EGLN1: variants seen among roughly 807,000 people sequenced by gnomAD.
EGLN1 encodes the protein egl-9 family hypoxia inducible factor 1.
Under a neutral mutation model 38.3 loss-of-function variants are expected in EGLN1, and 17 were observed. The ratio of observed to expected loss-of-function variants is 0.44; its 90% CI spans 0.30 to 0.67. The LOEUF is 0.67. Ranked by LOEUF, EGLN1 falls within the 30% of genes least tolerant of loss-of-function variation. The pLI is 0.08. For synonymous variants in EGLN1, 283 were observed against 257.5 expected, an observed-to-expected ratio of 1.10 and a Z score of -0.95; for missense variants, 477 against 603.3, an observed-to-expected ratio of 0.79 and a Z score of 2.19.
chr1:231,391,133 T>TGTGAGA (rs1255328703), intron 1 of EGLN1, among the ~76,000 whole-genome samples: 1 of 56,738 alleles, frequency 1.8e-5, no homozygotes, highest in African/African-American at 4.3e-5. Flanking sequence ...TGTGTGTGTG[T>TGTGAGA]GAGACAGGGA....
chr1:231,375,355 G>A (rs954725453), intron 1 of EGLN1, among the ~76,000 whole-genome samples: 27 of 151,748 alleles, frequency 1.8e-4, no homozygotes, highest in African/African-American at 6.1e-4. Flanking sequence ...CACGCCACCC[G>A]GTTTGTTATG....
chr1:231,391,090 T>TGTG (rs1553353081), intron 1 of EGLN1, among the ~76,000 whole-genome samples: 665 of 53,098 alleles, frequency 0.013, 118 homozygotes, highest in South Asian at 0.065. Context: ...TCTGTTTTTT[T>TGTG]TTTGTGTGTG....
chr1:231,392,249 T>C (rs2102916960), intron 1 of EGLN1, among the ~76,000 whole-genome samples: 1 of 152,074 alleles, frequency 6.6e-6, no homozygotes, highest in Middle Eastern at 3.4e-3. Flanking sequence ...ATCGCGCCAC[T>C]GCACTCCAGC....
At chr1:231,372,188 T>A (rs1384795024) in intron 2 of EGLN1, among the ~76,000 whole-genome samples, 1 of 152,240 alleles carries the variant, frequency 6.6e-6, no homozygotes, top group East Asian at 1.9e-4. Flanking sequence ...TCCATAGCAA[T>A]CTGTCTTGAC....
rs553294852 is a variant in EGLN1 at position 231,387,655 on chromosome 1, G to A, written c.892-13556C>T. Among the ~76,000 whole-genome samples, 50 of 152,202 alleles carry A rather than the reference G, an allele frequency of 3.3e-4. No individual in the cohort carries two copies. The South Asian group carries it at 4.6e-3, about 14-fold the overall frequency. ...ATTATAGGCGTGAGCCACCACACCC[G>A]GCCGCAACTTATTTTTAAGGATGTT... is the stretch of plus-strand genomic sequence containing the variant. On this transcript the variant is annotated intron_variant, in intron 1 of 4. Coordinates refer to ENST00000366641, the MANE Select transcript of EGLN1 (RefSeq NM_022051.3).
intron 1 of EGLN1, among the ~76,000 whole-genome samples, chr1:231,408,059 T>C (rs931172828): frequency 2.0e-5 from 3 of 152,190 alleles, no homozygotes; most frequent in Admixed American, 6.5e-5. Flanking sequence ...AAAAGTCCTC[T>C]GCCGAAGACA....
rs1293264209 is a variant in EGLN1, at chr1:231,422,211, G to T, written c.-323C>A. On this transcript the variant is annotated 5_prime_UTR_variant, in exon 1 of 5. Transcript: ENST00000366641. The stretch of plus-strand genomic sequence containing the variant: ...CGCAAGACCGGCCCCCTCGGCCGCC[G>T]CCGCCGCCTCAGCGTCCCGGGCGGC... 1 of 192,830 alleles carries T rather than the reference G, an allele frequency of 5.2e-6. No homozygotes were observed. Among genetic ancestry groups the T allele is most frequent in the African/African-American group, 2.3e-5 (1 of 42,636 alleles). 11.9% of individuals were successfully genotyped at this position (192,830 alleles called of 1,614,324 possible). A position where few individuals can be genotyped will look rare whatever the true frequency, so the allele number is the denominator to read the frequency against.
intron 2 of EGLN1, among the ~76,000 whole-genome samples, chr1:231,371,575 G>A (rs1413938795): frequency 6.6e-6 from 1 of 152,126 alleles, no homozygotes; most frequent in Non-Finnish European, 1.5e-5. Flanking sequence ...TGGGCCTGAT[G>A]CACAGATGAC....
intron 1 of EGLN1, among the ~76,000 whole-genome samples, chr1:231,388,257 A>T (rs1688271576): frequency 7.1e-6 from 1 of 140,202 alleles, no homozygotes; most frequent in Non-Finnish European, 1.6e-5. Flanking sequence ...TTGTAATTAA[A>T]TTGAGAGAAC....
chr1:231,386,994 C>A lies in EGLN1; in HGVS notation c.892-12895G>T, dbSNP rs116879852. Among the ~76,000 whole-genome samples, 1,110 of 151,536 alleles carry A rather than the reference C, an allele frequency of 7.3e-3. 8 individuals are homozygous for A. The highest frequency in any genetic ancestry group is 0.011 in the South Asian group (52 of 4,776). The stretch of plus-strand genomic sequence containing the variant: ...TCCTGCCTCAGCCTCCTGAACAGCT[C>A]TACAGGTGTGCACCATCACACCCAG... On this transcript the variant is annotated intron_variant, in intron 1 of 4. Transcript: ENST00000366641.
intron 1 of EGLN1, among the ~76,000 whole-genome samples, chr1:231,391,230 T>A (rs1306545657): frequency 2.3e-5 from 2 of 85,514 alleles, no homozygotes; most frequent in African/African-American, 6.6e-5. Context: ...GGATTACAGG[T>A]GTGAGCCACC....
intron 1 of EGLN1, among the ~76,000 whole-genome samples, chr1:231,382,198 T>C (rs1279029815): frequency 6.6e-6 from 1 of 152,204 alleles, no homozygotes; most frequent in Non-Finnish European, 1.5e-5. Flanking sequence ...GATACAGAGA[T>C]TAAAAGTAAA....
At chr1:231,388,469 C>CT (rs1484655118) in intron 1 of EGLN1, among the ~76,000 whole-genome samples, 1 of 152,076 alleles carries the variant, frequency 6.6e-6, no homozygotes, top group African/African-American at 2.4e-5. Context: ...TAGCTAGTGT[C>CT]TGTCTCTGTC....
At chr1:231,379,307 T>G (rs1688027219) in intron 1 of EGLN1, among the ~76,000 whole-genome samples, 2 of 152,298 alleles carry the variant, frequency 1.3e-5, no homozygotes, top group African/African-American at 4.8e-5. Context: ...AGATGTACAG[T>G]AAGTCCTCAC....
At chr1:231,413,787 T>C (rs137956495) in intron 1 of EGLN1, among the ~76,000 whole-genome samples, 1 of 151,938 alleles carries the variant, frequency 6.6e-6, no homozygotes, top group African/African-American at 2.4e-5. Flanking sequence ...TCAGAAAATA[T>C]AACAAAGGGT....
At chr1:231,399,987 CAGAT>C (rs2102924599) in intron 1 of EGLN1, among the ~76,000 whole-genome samples, 1 of 152,178 alleles carries the variant, frequency 6.6e-6, no homozygotes, top group South Asian at 2.1e-4. Flanking sequence ...CACATAAAGA[CAGAT>C]AGTATCATCT....
At chr1:231,385,724 G>T (rs953160838) in intron 1 of EGLN1, among the ~76,000 whole-genome samples, 8 of 152,336 alleles carry the variant, frequency 5.3e-5, no homozygotes, top group South Asian at 4.1e-4. Context: ...ATTCACTTCG[G>T]TAGGTGACTG....
At chr1:231,393,530 T>A (rs1035250855) in intron 1 of EGLN1, among the ~76,000 whole-genome samples, 1 of 152,182 alleles carries the variant, frequency 6.6e-6, no homozygotes, top group African/African-American at 2.4e-5. Context: ...AAAGGGTTGA[T>A]GAGAGGATAA....
At chr1:231,405,727 T>C (rs1038810383) in intron 1 of EGLN1, among the ~76,000 whole-genome samples, 3 of 151,948 alleles carry the variant, frequency 2.0e-5, no homozygotes, top group African/African-American at 7.3e-5. Context: ...CCCCAGACAA[T>C]TCTAAGAGGA....
Sources: allele counts gnomAD v4.1 joint callset (sites outside exome capture counted in the v4.1 genomes callset), GRCh38; gene constraint gnomAD v4.1.1; transcripts MANE v1.5; gene names NCBI Gene and HGNC (gene_info 2026-07-23, HGNC 2026-07-21).